Variants in THOC2 observed in about 807,000 individuals in gnomAD.
The protein encoded by THOC2 is THO complex subunit 2, also known as THO complex 2.
A neutral mutation model predicts 128.4 loss-of-function variants in THOC2; 10 were observed. That is an observed-to-expected ratio of 0.08 (90% CI 0.05 to 0.13). The LOEUF is 0.13. THOC2 is among the 10% of genes least tolerant of loss of function. The pLI is 1.00. For missense variants in THOC2, 535 were observed against 1,155.7 expected (o/e 0.46, Z 7.79); for synonymous variants, 393 against 396.9 (o/e 0.99, Z 0.12).
chrX:123,694,533 G>A (rs753941635), intron 7 of THOC2, among the ~76,000 whole-genome samples: 1 of 109,536 alleles, frequency 9.1e-6, no homozygotes, highest in African/African-American at 3.3e-5. Flanking sequence ...GCTTGAACCC[G>A]GGAGGCAGAG....
chrX:123,674,547 A>C (rs1402377320), intron 8 of THOC2, among the ~76,000 whole-genome samples: 1 of 111,535 alleles, frequency 9.0e-6, no homozygotes, highest in African/African-American at 3.3e-5. Context: ...GGTGGGTTTA[A>C]TCCATTTACA....
intron 1 of THOC2, among the ~76,000 whole-genome samples, chrX:123,729,618 G>A (rs759594341): frequency 1.6e-4 from 18 of 110,065 alleles, no homozygotes; most frequent in Non-Finnish European, 3.4e-4. Flanking sequence ...TTTCAGTCAA[G>A]TTAAAGCTTA....
At chrX:123,726,472 C>G (rs1194842830) in intron 1 of THOC2, among the ~76,000 whole-genome samples, 1 of 106,059 alleles carries the variant, frequency 9.4e-6, no homozygotes, top group African/African-American at 3.5e-5. Context: ...AAGATCGTGC[C>G]ACTGCACTCC....
chrX:123,703,693 G>A (rs2050792902), intron 3 of THOC2, among the ~76,000 whole-genome samples, 188 bp from the exon 4 acceptor site: 1 of 86,493 alleles, frequency 1.2e-5, no homozygotes, highest in Non-Finnish European at 2.1e-5. Context: ...TTTGGGACCA[G>A]CCTGGACCAT....
chrX:123,703,365 G>A (rs2050780980), intron 4 of THOC2, 89 bp downstream of exon 4: 2 of 590,985 alleles, frequency 3.4e-6, no homozygotes, highest in Non-Finnish European at 2.6e-6. Flanking sequence ...AGAAACATTT[G>A]TAAAATTCTT....
intron 12 of THOC2, among the ~76,000 whole-genome samples, chrX:123,662,002 CA>C (rs960161241): frequency 9.0e-6 from 1 of 110,781 alleles, no homozygotes; most frequent in Non-Finnish European, 1.9e-5. Flanking sequence ...CAAAAACAAA[CA>C]AAAAAAATCT....
At chrX:123,603,495 T>TA (rs1210368034) in intron 38 of THOC2, 1 of 560,518 alleles carries the variant, frequency 1.8e-6, no homozygotes, top group African/African-American at 2.3e-5. Flanking sequence ...GTATCTCGAG[T>TA]AAAAAATGTA....
At chrX:123,732,523 A>G (rs922840012) in intron 1 of THOC2, among the ~76,000 whole-genome samples, 15 of 112,233 alleles carry the variant, frequency 1.3e-4, no homozygotes, top group Admixed American at 4.7e-4. Context: ...GCCAAGCTCC[A>G]AACTGCGGAG....
At chrX:123,697,227 C>A (rs1025450141) in intron 5 of THOC2, among the ~76,000 whole-genome samples, 1 of 111,833 alleles carries the variant, frequency 8.9e-6, no homozygotes, top group African/African-American at 3.2e-5. Context: ...CAGGTCTCAA[C>A]CACGGCAGTT....
chrX:123,717,515 GA>G (rs2051477930), intron 1 of THOC2, among the ~76,000 whole-genome samples: 1 of 111,160 alleles, frequency 9.0e-6, no homozygotes, highest in Admixed American at 9.6e-5. Context: ...AAATGCTGAT[GA>G]AAGAAACTGA....
intron 1 of THOC2, among the ~76,000 whole-genome samples, chrX:123,730,198 T>A (rs866585936): frequency 1.3e-4 from 13 of 102,750 alleles, no homozygotes; most frequent in African/African-American, 3.9e-4. Flanking sequence ...TTTTTTTTTT[T>A]AAAGAGTTTC....
intron 12 of THOC2, among the ~76,000 whole-genome samples, chrX:123,647,565 G>C (rs999444649): frequency 9.0e-6 from 1 of 111,152 alleles, no homozygotes; most frequent in Non-Finnish European, 1.9e-5. Context: ...GCCAGGCACG[G>C]TGGCTGACGC....
chrX:123,648,810 C>T (rs1252782095), intron 12 of THOC2, among the ~76,000 whole-genome samples: 1 of 111,863 alleles, frequency 8.9e-6, no homozygotes, highest in Non-Finnish European at 1.9e-5. Context: ...AGGCAGCAGC[C>T]CCAGTCAGGG....
intron 5 of THOC2, 21 bp from the exon 6 acceptor site, chrX:123,696,863 G>T: frequency 1.8e-6 from 2 of 1,132,262 alleles, no homozygotes; most frequent in Non-Finnish European, 1.2e-6. Flanking sequence ...AAATATTAAA[G>T]GTCATTTATT....
intron 1 of THOC2, among the ~76,000 whole-genome samples, chrX:123,713,144 A>C (rs1007546280): frequency 8.9e-6 from 1 of 112,220 alleles, no homozygotes; most frequent in Non-Finnish European, 1.9e-5. Flanking sequence ...TAATAAAAGA[A>C]TCTAGGCATC....
At chrX:123,618,152 C>T (rs2046963110) in intron 33 of THOC2, among the ~76,000 whole-genome samples, 1 of 111,436 alleles carries the variant, frequency 9.0e-6, no homozygotes, top group African/African-American at 3.2e-5. Context: ...AACAAAAATA[C>T]GTTGGACGTT....
rs1289330628 is a variant in THOC2 at position 123,623,473 on chromosome X, C to T, written c.3504-190G>A. The T allele has an allele frequency of 1.2e-5, 7 of 566,677 alleles. No homozygotes were observed. The Admixed American group carries it at 3.4e-4, about 28-fold the overall frequency. 46.7% of individuals were successfully genotyped at this position (566,677 alleles called of 1,213,427 possible). On this transcript the variant is annotated intron_variant, in intron 28 of 38. Transcript: ENST00000245838. ...AGCTTTCTTAAAAATTACAATTTCA[C>T]TATAAACTAATCCTTAAACTAAGAT...
chrX:123,638,149 G>C (rs1359916407), intron 17 of THOC2, 26 bp from the exon 18 acceptor site: 1 of 1,014,893 alleles, frequency 9.9e-7, no homozygotes, highest in Admixed American at 2.4e-5. Context: ...AAAAAACTAA[G>C]TCATTACATC....
chrX:123,659,090 T>C (rs1463679494), intron 12 of THOC2, among the ~76,000 whole-genome samples: 3 of 112,446 alleles, frequency 2.7e-5, no homozygotes, highest in Middle Eastern at 4.7e-3. Context: ...TGTGTCCTTT[T>C]ACATGAAACA....
Sources: allele counts gnomAD v4.1 joint callset (sites outside exome capture counted in the v4.1 genomes callset), GRCh38; gene constraint gnomAD v4.1.1; transcripts MANE v1.5; gene names NCBI Gene and HGNC (gene_info 2026-07-23, HGNC 2026-07-21).